AK4: variants seen among roughly 807,000 people sequenced by gnomAD.
AK4 encodes the protein adenylate kinase 4, also known as adenylate kinase 4, mitochondrial.
A neutral mutation model predicts 24.6 loss-of-function variants in AK4; 13 were observed. The observed-to-expected ratio is 0.53, with a 90% CI of 0.34 to 0.84. The LOEUF is 0.84. Among genes scored for constraint, AK4 ranks in the 40% least tolerant of loss-of-function variants. AK4 has a pLI of 0.01. For synonymous variants in AK4, 88 were observed against 107.0 expected (o/e 0.82, Z 1.10); for missense variants, 192 against 288.2 (o/e 0.67, Z 2.42).
Position 65,226,584 on chromosome 1 carries a change from A to C in AK4, c.*407A>C, listed in dbSNP as rs1343137515. Reference sequence around the variant, plus strand: ...GAACCACAGCACCAGGAAGCCTGAGAATGAATCCTGAGGGCTCTAGCCCAG... The same window carrying C: ...GAACCACAGCACCAGGAAGCCTGAGCATGAATCCTGAGGGCTCTAGCCCAG... On this transcript the variant is annotated 3_prime_UTR_variant, in exon 5 of 5. Transcript: ENST00000327299. The C allele has an allele frequency of 6.2e-6, 1 of 160,842 alleles. No homozygotes were observed. The highest frequency in any genetic ancestry group is 1.4e-5 in the Non-Finnish European group (1 of 73,410). The allele number at this position is 160,842 out of a possible 1,614,324, so 10.0% of individuals were successfully genotyped here.
intron 1 of AK4, among the ~76,000 whole-genome samples, chr1:65,160,973 T>C (rs1038218690): frequency 2.6e-5 from 4 of 152,102 alleles, no homozygotes; most frequent in Non-Finnish European, 5.9e-5. Context: ...CATATGAATC[T>C]GGGGGGCACG....
intron 1 of AK4, among the ~76,000 whole-genome samples, chr1:65,172,122 C>T (rs530394823): frequency 1.7e-4 from 18 of 107,960 alleles, no homozygotes; most frequent in African/African-American, 5.1e-4. Context: ...CATTACACTT[C>T]CCAAATATAT....
chr1:65,161,540 T>C (rs1338434093), intron 1 of AK4, among the ~76,000 whole-genome samples: 3 of 152,186 alleles, frequency 2.0e-5, no homozygotes, highest in Non-Finnish European at 4.4e-5. Flanking sequence ...TCTACTCTCA[T>C]TGCTTCCATG....
At chr1:65,167,842 C>T (rs1255197876) in intron 1 of AK4, among the ~76,000 whole-genome samples, 2 of 152,140 alleles carry the variant, frequency 1.3e-5, no homozygotes, top group Admixed American at 1.3e-4. Context: ...AAAGCCAGCC[C>T]CTTGAAACTG....
At chr1:65,208,451 G>T (rs1245428581) in intron 2 of AK4, among the ~76,000 whole-genome samples, 2 of 152,212 alleles carry the variant, frequency 1.3e-5, no homozygotes, top group Non-Finnish European at 2.9e-5. Flanking sequence ...GGCTGTGGAA[G>T]AATAACCAAC....
chr1:65,225,972 A>G (rs543317459), intron 4 of AK4, 91 bp from the exon 5 acceptor site: 1 of 1,357,780 alleles, frequency 7.4e-7, no homozygotes, highest in Admixed American at 2.0e-5. Flanking sequence ...ATAGACCATG[A>G]GATCATGCTT....
At chr1:65,190,904 A>G in intron 2 of AK4, 75 bp downstream of exon 2, 7 of 1,485,838 alleles carry the variant, frequency 4.7e-6, no homozygotes, top group Non-Finnish European at 6.3e-6. Context: ...TTAACTTCTT[A>G]CCGAATGGAA....
chr1:65,194,113 G>A (rs114590988), intron 2 of AK4, among the ~76,000 whole-genome samples: 1 of 152,262 alleles, frequency 6.6e-6, no homozygotes, highest in Non-Finnish European at 1.5e-5. Context: ...AAAAATGTTT[G>A]TATAAAGTGT....
chr1:65,170,285 G>A (rs944226169), intron 1 of AK4, among the ~76,000 whole-genome samples: 11 of 152,122 alleles, frequency 7.2e-5, no homozygotes, highest in African/African-American at 2.2e-4. Context: ...GGAGAATGGC[G>A]TGAACCCGGG....
chr1:65,176,251 GCATCTTTTTATCTT>G lies in AK4; in HGVS notation c.146-14458_146-14445del, dbSNP rs1258460594. 6.6e-5 allele frequency among the ~76,000 whole-genome samples: 10 copies of G among 152,168 alleles called. No homozygotes were observed. In the East Asian group the frequency reaches 1.4e-3, roughly 21 times the overall value. On this transcript the variant is annotated intron_variant, in intron 1 of 4. Coordinates refer to ENST00000327299, the MANE Select transcript of AK4 (RefSeq NM_013410.4). ...ACCCAAAGTCATGGCTGTTGTCCAT[GCATCTTTTTATCTT>G]GGCTATTATAGAAGCATACCCACTG...
chr1:65,148,427 G>T lies in AK4; in HGVS notation c.20G>T (p.Arg7Leu). The T allele has an allele frequency of 3.2e-6, 5 of 1,554,020 alleles. No individual in the cohort carries two copies. Among genetic ancestry groups the T allele is most frequent in the African/African-American group, 1.4e-5 (1 of 72,894 alleles). The change falls in exon 1 of 5, where the codon CGC becomes CTC. Residue 7 changes from arginine to leucine, a missense_variant. Transcript: ENST00000327299. ...AAGGCAATGGCTTCCAAACTCCTGC[G>T]CGCGGTCATCCTCGGGCCGCCCGGC... MASKLL[R>L]AVILGPPGSG...
intron 1 of AK4, among the ~76,000 whole-genome samples, chr1:65,177,866 ATGCTT>A (rs1240910676): frequency 6.6e-6 from 1 of 152,174 alleles, no homozygotes; most frequent in African/African-American, 2.4e-5. Context: ...AGGTAAGAGA[ATGCTT>A]TGCTTAATTC....
intron 1 of AK4, among the ~76,000 whole-genome samples, chr1:65,161,884 G>A (rs977876599): frequency 1.2e-4 from 19 of 152,232 alleles, no homozygotes; most frequent in Admixed American, 5.9e-4. Flanking sequence ...AGATTGTGGC[G>A]TTAGAGGCCT....
intron 3 of AK4, among the ~76,000 whole-genome samples, chr1:65,222,811 G>T (rs1288801379): frequency 1.3e-5 from 2 of 152,158 alleles, no homozygotes; most frequent in Non-Finnish European, 1.5e-5. Context: ...TGATTATCCA[G>T]TTGAGTTGCC....
At chr1:65,209,752 T>G (rs915938121) in intron 2 of AK4, among the ~76,000 whole-genome samples, 1 of 152,196 alleles carries the variant, frequency 6.6e-6, no homozygotes, top group Non-Finnish European at 1.5e-5. Flanking sequence ...CATTTCATAT[T>G]GTATGCCCTG....
chr1:65,148,675 G>C (rs1041268206), intron 1 of AK4, 123 bp downstream of exon 1: 9 of 1,338,534 alleles, frequency 6.7e-6, no homozygotes, highest in African/African-American at 1.5e-5. Flanking sequence ...GTGCAGGCTC[G>C]TACGTGCCGG....
At chr1:65,163,003 G>T (rs777907142) in intron 1 of AK4, among the ~76,000 whole-genome samples, 1 of 152,148 alleles carries the variant, frequency 6.6e-6, no homozygotes, top group African/African-American at 2.4e-5. Context: ...TATTGAATGG[G>T]TATACCACAT....
chr1:65,190,475 T>C (rs1380338277), intron 1 of AK4, among the ~76,000 whole-genome samples: 3 of 146,720 alleles, frequency 2.0e-5, no homozygotes, highest in Non-Finnish European at 4.5e-5. Flanking sequence ...GGAGGGGTGG[T>C]GCTATGCTAT....
chr1:65,161,089 C>T (rs1489282565), intron 1 of AK4, among the ~76,000 whole-genome samples: 1 of 151,856 alleles, frequency 6.6e-6, no homozygotes, highest in Non-Finnish European at 1.5e-5. Context: ...TTGTTCTGTC[C>T]CTAAAACATT....
Sources: allele counts gnomAD v4.1 joint callset (sites outside exome capture counted in the v4.1 genomes callset), GRCh38; gene constraint gnomAD v4.1.1; transcripts MANE v1.5; gene names NCBI Gene and HGNC (gene_info 2026-07-23, HGNC 2026-07-21).